Variants in ANO1 observed in about 807,000 individuals in gnomAD.
ANO1 encodes the protein anoctamin 1.
ANO1 carries 59 observed loss-of-function variants against 124.0 expected under a neutral mutation model. The observed-to-expected ratio is 0.48, with a 90% CI of 0.39 to 0.59. The LOEUF (loss-of-function observed/expected upper bound fraction) is 0.59, where lower values mean the gene tolerates loss of function less well. Ranked by LOEUF, ANO1 falls within the 20% of genes least tolerant of loss-of-function variation. The pLI is 0.00. For missense variants in ANO1, 1,059 were observed against 1,328.0 expected (o/e 0.80, Z 3.15); for synonymous variants, 529 against 532.0 (o/e 0.99, Z 0.08).
chr11:69,979,844 C>T, the ANO1 span, among the ~76,000 whole-genome samples: 5 of 152,246 alleles, frequency 3.3e-5, no homozygotes, highest in East Asian at 7.7e-4. Flanking sequence ...TTCTGTCTTT[C>T]GGGGATGTCA....
chr11:70,048,823 G>C (rs1250338176), intron 1 of ANO1, among the ~76,000 whole-genome samples: 9 of 151,978 alleles, frequency 5.9e-5, no homozygotes, highest in African/African-American at 2.2e-4. Flanking sequence ...TGCTCCTCAA[G>C]AAATTATATC....
At chr11:69,980,011 TCCGTTCATGG>T in the ANO1 span, among the ~76,000 whole-genome samples, 3 of 152,124 alleles carry the variant, frequency 2.0e-5, no homozygotes, top group Non-Finnish European at 2.9e-5. Context: ...TTATGAAACT[TCCGTTCATGG>T]CCAGTGCTTC....
intron 1 of ANO1, among the ~76,000 whole-genome samples, chr11:70,057,411 T>G (rs1382915683): frequency 4.0e-5 from 6 of 150,696 alleles, no homozygotes; most frequent in African/African-American, 1.5e-4. Flanking sequence ...CTCCACCTCC[T>G]TAGAGTACCC....
At chr11:70,062,542 C>G (rs1037737477) in intron 1 of ANO1, among the ~76,000 whole-genome samples, 8 of 152,194 alleles carry the variant, frequency 5.3e-5, no homozygotes, top group Non-Finnish European at 4.4e-5. Flanking sequence ...TTGAACGGAC[C>G]ATGCTGGGGT....
At chr11:70,089,594 G>C (rs1256102532) in intron 2 of ANO1, among the ~76,000 whole-genome samples, 1 of 152,164 alleles carries the variant, frequency 6.6e-6, no homozygotes, top group Non-Finnish European at 1.5e-5. Context: ...CGGCCACCCA[G>C]ATGGGTCCCT....
chr11:70,080,071 C>T (rs1484867114), intron 1 of ANO1, among the ~76,000 whole-genome samples: 3 of 152,272 alleles, frequency 2.0e-5, no homozygotes, highest in East Asian at 1.9e-4. Context: ...AAGAATGAGA[C>T]AGGGAAGGCT....
upstream of ANO1, among the ~76,000 whole-genome samples, chr11:69,982,988 T>C (rs1855971989): frequency 6.6e-6 from 1 of 151,902 alleles, no homozygotes; most frequent in South Asian, 2.1e-4. Context: ...CATCTGAGGG[T>C]CCAGAGAAGG....
chr11:70,144,709 C>CTTGT (rs1470575911), intron 11 of ANO1, among the ~76,000 whole-genome samples: 1 of 152,220 alleles, frequency 6.6e-6, no homozygotes, highest in East Asian at 1.9e-4. Flanking sequence ...GGGGGATGGG[C>CTTGT]TTGTCCCTTT....
At position 70,189,312 on chromosome 11, in the gene ANO1, TA is replaced by T. The variant is rs2049274673; in HGVS notation, c.*1309del. ...CTGTGGTCAAAGTTCATAGGTGTCG[TA>T]CATTTCCATTATTTGCTAAAATCAT... On this transcript the variant is annotated 3_prime_UTR_variant, in exon 26 of 26. Coordinates refer to ENST00000355303, the MANE Select transcript of ANO1 (RefSeq NM_018043.7). 1 of 152,662 alleles carries T rather than the reference TA, an allele frequency of 6.6e-6. No individual in the cohort carries two copies. The highest frequency in any genetic ancestry group is 2.4e-5 in the African/African-American group (1 of 41,462). The allele number at this position is 152,662 out of a possible 1,614,324, so 9.5% of individuals were successfully genotyped here.
the ANO1 span, among the ~76,000 whole-genome samples, chr11:69,969,474 C>T: frequency 5.9e-5 from 9 of 152,196 alleles, no homozygotes; most frequent in Non-Finnish European, 1.2e-4. Context: ...GTGATGTTCA[C>T]GGTCTGACGC....
intron 21 of ANO1, among the ~76,000 whole-genome samples, chr11:70,167,659 CATGGTCCCCAGCCACAGTCCCCAGGT>C (rs377581814): frequency 0.12 from 17,887 of 151,744 alleles, 1,141 homozygotes; most frequent in Middle Eastern, 0.16. Context: ...GGTCCCCAAG[CATGGTCCCCAGCCACAGTCCCCAGGT>C]ATGGTCCCCA....
At chr11:70,007,989 C>A (rs782151634) in intron 1 of ANO1, among the ~76,000 whole-genome samples, 1 of 152,080 alleles carries the variant, frequency 6.6e-6, no homozygotes, top group Admixed American at 6.6e-5. Flanking sequence ...TGTGGTTTGG[C>A]TTTGCATTTC....
At chr11:69,987,471 C>T (rs1856065952) in intron 1 of ANO1, among the ~76,000 whole-genome samples, 1 of 152,122 alleles carries the variant, frequency 6.6e-6, no homozygotes, top group South Asian at 2.1e-4. Flanking sequence ...TAACTGATGG[C>T]ACCAAGATTA....
intron 1 of ANO1, among the ~76,000 whole-genome samples, chr11:70,065,996 C>T (rs1361305466): frequency 2.6e-5 from 4 of 152,238 alleles, no homozygotes; most frequent in Admixed American, 6.5e-5. Flanking sequence ...GTGTATGCAT[C>T]GGTTTGCCTT....
At chr11:70,053,447 T>C (rs1024415125) in intron 1 of ANO1, among the ~76,000 whole-genome samples, 2 of 152,188 alleles carry the variant, frequency 1.3e-5, no homozygotes, top group Admixed American at 1.3e-4. Flanking sequence ...AGAGTTCTTA[T>C]ACACAGGTGT....
At chr11:70,093,649 C>T (rs1471486045) in intron 2 of ANO1, among the ~76,000 whole-genome samples, 1 of 152,234 alleles carries the variant, frequency 6.6e-6, no homozygotes, top group Non-Finnish European at 1.5e-5. Flanking sequence ...TTTCATGTCG[C>T]TGCCCAGGGC....
chr11:70,010,512 C>T (rs147624522), intron 1 of ANO1, among the ~76,000 whole-genome samples: 55 of 152,098 alleles, frequency 3.6e-4, no homozygotes, highest in African/African-American at 1.3e-3. Context: ...CTGGGGATCA[C>T]ATTTAAACAT....
At chr11:70,104,232 T>G in intron 4 of ANO1, 82 bp downstream of exon 4, 1 of 1,433,408 alleles carries the variant, frequency 7.0e-7, no homozygotes, top group Non-Finnish European at 9.3e-7. Flanking sequence ...TGCAGATTGA[T>G]TATCTGTCCC....
rs533279094 is a variant in ANO1 at position 70,131,833 on chromosome 11, C to T, written c.1098-86C>T. ...TCGCCAACCCCCAGCTTGGGCCCAG[C>T]GCTTTCTCCCAGGCCAGCTCGGCAC... On this transcript the variant is annotated intron_variant, in intron 10 of 25. Transcript: ENST00000355303. 3.3e-5 allele frequency: 49 copies of T among 1,477,836 alleles called. 1 individual carries two copies. In the South Asian group the frequency reaches 3.7e-4, roughly 11 times the overall value. The allele number at this position is 1,477,836 out of a possible 1,614,324, so 91.5% of individuals were successfully genotyped here. A position where few individuals can be genotyped will look rare whatever the true frequency, so the allele number is the denominator to read the frequency against.
Sources: gnomAD v4.1 joint callset for allele counts (sites outside exome capture counted in the v4.1 genomes callset) on GRCh38, gnomAD v4.1.1 for gene constraint, MANE v1.5 for transcripts, NCBI Gene and HGNC (gene_info 2026-07-23, HGNC 2026-07-21) for gene names.